Variants in STEAP2 observed in about 807,000 individuals in gnomAD.
STEAP2 encodes the protein STEAP2 metalloreductase.
A neutral mutation model predicts 46.4 loss-of-function variants in STEAP2; 30 were observed. That is an observed-to-expected ratio of 0.65 (90% CI 0.48 to 0.88). The LOEUF (loss-of-function observed/expected upper bound fraction) is 0.88. STEAP2 is among the 40% of genes least tolerant of loss of function. The pLI, the probability that STEAP2 is intolerant of heterozygous loss-of-function variation, is 0.00. For synonymous variants in STEAP2, 180 were observed against 200.5 expected, an observed-to-expected ratio of 0.90 and a Z score of 0.86; for missense variants, 513 against 579.3, an observed-to-expected ratio of 0.89 and a Z score of 1.18.
chr7:90,227,129 G>T lies in STEAP2; in HGVS notation c.651G>T (p.Val217=). ...RLFTLWRGPV[V]VAISLATFFF... ...TTACTCTCTGGAGAGGGCCAGTGGT[G>T]GTAGCTATAAGCTTGGCCACATTTT... Residue 217 remains valine (V), a synonymous_variant, in exon 4 of 6, where the codon GTG becomes GTT. Coordinates refer to ENST00000394621, the MANE Select transcript of STEAP2 (RefSeq NM_001244944.2). 1 of 1,613,766 alleles carries T rather than the reference G, an allele frequency of 6.2e-7. No homozygotes were observed. The highest frequency in any genetic ancestry group is 8.5e-7 in the Non-Finnish European group (1 of 1,179,834).
At chr7:90,213,061 C>CA (rs911122205) in intron 1 of STEAP2, among the ~76,000 whole-genome samples, 5 of 147,636 alleles carry the variant, frequency 3.4e-5, no homozygotes, top group African/African-American at 1.2e-4. Context: ...CAAAACAAAA[C>CA]AAAACAAAAC....
At position 90,227,471 on chromosome 7, in the gene STEAP2, T is replaced by C; in HGVS notation, c.993T>C (p.Tyr331=). The change falls in exon 4 of 6, where the codon TAT becomes TAC. Residue 331 remains tyrosine (Y), a synonymous_variant. Coordinates refer to ENST00000394621, the MANE Select transcript of STEAP2 (RefSeq NM_001244944.2). ...TACCGATGAGAAGGTCAGAGAGATA[T>C]TTGTTTCTCAACATGGCTTATCAGC... ...LCLPMRRSER[Y]LFLNMAYQQV... 1.9e-6 allele frequency: 3 copies of C among 1,590,228 alleles called. No individual in the cohort carries two copies. Among genetic ancestry groups the C allele is most frequent in the Non-Finnish European group, 2.6e-6 (3 of 1,162,710 alleles).
At position 90,235,951 on chromosome 7, in the gene STEAP2, T is replaced by G; in HGVS notation, c.*3327T>G. The stretch of plus-strand genomic sequence containing the variant: ...GTTAAACTACCTGATTAATTTCTTA[T>G]AAAGCAGCATAACCTTGGCTTGATT... On this transcript the variant is annotated 3_prime_UTR_variant, in exon 6 of 6. Coordinates refer to ENST00000394621, the MANE Select transcript of STEAP2 (RefSeq NM_001244944.2). 1 of 984,310 alleles carries G rather than the reference T, an allele frequency of 1.0e-6. No homozygotes were observed. The highest frequency in any genetic ancestry group is 1.2e-6 in the Non-Finnish European group (1 of 828,894). 61.0% of individuals were successfully genotyped at this position (984,310 alleles called of 1,614,324 possible).
chr7:90,235,293 T>G lies in STEAP2; in HGVS notation c.*2669T>G, dbSNP rs1288974224. ...TCAGTACTACAAAAACAGAATAATT[T>G]TGAAGTTTTAGAATAAATGTAATAT... On this transcript the variant is annotated 3_prime_UTR_variant, in exon 6 of 6. Coordinates refer to ENST00000394621, the MANE Select transcript of STEAP2 (RefSeq NM_001244944.2). 7 of 971,822 alleles carry G rather than the reference T, an allele frequency of 7.2e-6. No homozygotes were observed. The highest frequency in any genetic ancestry group is 6.2e-5 in the Admixed American group (1 of 16,230). 60.2% of individuals were successfully genotyped at this position (971,822 alleles called of 1,614,324 possible).
chr7:90,235,154 T>G lies in STEAP2; in HGVS notation c.*2530T>G. ...CATGTATATATTAAGTAGCCGATACTCTAAATAAAAATACCACTGTTACAG... is the reference window on the plus strand; with the variant it reads ...CATGTATATATTAAGTAGCCGATACGCTAAATAAAAATACCACTGTTACAG... On this transcript the variant is annotated 3_prime_UTR_variant, in exon 6 of 6. Coordinates refer to ENST00000394621, the MANE Select transcript of STEAP2 (RefSeq NM_001244944.2). 2.1e-6 allele frequency: 2 copies of G among 958,438 alleles called. No individual in the cohort carries two copies. Among genetic ancestry groups the G allele is most frequent in the Non-Finnish European group, 2.5e-6 (2 of 805,236 alleles). The allele number at this position is 958,438 out of a possible 1,614,324, so 59.4% of individuals were successfully genotyped here.
chr7:90,223,200 G>A (rs1350570250), intron 2 of STEAP2, among the ~76,000 whole-genome samples: 1 of 152,188 alleles, frequency 6.6e-6, no homozygotes, highest in African/African-American at 2.4e-5. Flanking sequence ...AGGGCTGTAG[G>A]CAGGTGAAAG....
intron 2 of STEAP2, among the ~76,000 whole-genome samples, chr7:90,220,564 CA>C (rs1363778905): frequency 9.0e-6 from 1 of 110,764 alleles, no homozygotes; most frequent in Non-Finnish European, 1.8e-5. Context: ...TTTATCTTTT[CA>C]AAAAACAAAA....
intron 4 of STEAP2, 51 bp downstream of exon 4, chr7:90,227,549 A>G: frequency 7.0e-7 from 1 of 1,434,048 alleles, no homozygotes; most frequent in Non-Finnish European, 9.2e-7. Flanking sequence ...ACTTTTTATT[A>G]GTATAAATTG....
At chr7:90,214,703 AGAG>A (rs963259917) in intron 1 of STEAP2, among the ~76,000 whole-genome samples, 1 of 152,126 alleles carries the variant, frequency 6.6e-6, no homozygotes, top group Non-Finnish European at 1.5e-5. Flanking sequence ...AGGCTGAAGG[AGAG>A]TGCAGGATAT....
Position 90,227,211 on chromosome 7 carries a change from A to C in STEAP2, c.733A>C (p.Ser245Arg), listed in dbSNP as rs942959123. The change falls in exon 4 of 6, where the codon AGT (serine) becomes CGT (arginine). Residue 245 changes from serine (S) to arginine (R), a missense_variant. By Grantham distance (110) the Ser-to-Arg change is moderately radical. Transcript: ENST00000394621. ...TCATCCATATGCTAGAAACCAACAG[A>C]GTGACTTTTACAAAATTCCTATAGA... ...VIHPYARNQQ[S>R]DFYKIPIEIV... 2 of 1,613,784 alleles carry C rather than the reference A, an allele frequency of 1.2e-6. No homozygotes were observed. The highest frequency in any genetic ancestry group is 1.7e-6 in the Non-Finnish European group (2 of 1,179,814).
chr7:90,220,648 T>A (rs1795218451), intron 2 of STEAP2, among the ~76,000 whole-genome samples: 1 of 152,192 alleles, frequency 6.6e-6, no homozygotes, highest in African/African-American at 2.4e-5. Context: ...ATCTTTATTA[T>A]TACTTTCCTT....
rs144320893 is a variant in STEAP2 at position 90,229,936 on chromosome 7, C to T, written c.1085C>T (p.Ser362Phe). 2.5e-6 allele frequency: 4 copies of T among 1,613,462 alleles called. No homozygotes were observed. Among genetic ancestry groups the T allele is most frequent in the African/African-American group, 1.3e-5 (1 of 74,894 alleles). The change falls in exon 5 of 6, where the codon TCC becomes TTC. Residue 362 changes from serine (S) to phenylalanine (F), a missense_variant. By Grantham distance (155) the Ser-to-Phe change is radical. Coordinates refer to ENST00000394621, the MANE Select transcript of STEAP2 (RefSeq NM_001244944.2). ...EEVWRIEMYISFGIMSLGLLS... is the reference protein window; with the variant it reads ...EEVWRIEMYIFFGIMSLGLLS... ...GTTTGGAGAATTGAAATGTATATCT[C>T]CTTTGGCATAATGAGCCTTGGCTTA... is the stretch of plus-strand genomic sequence containing the variant.
intron 2 of STEAP2, among the ~76,000 whole-genome samples, chr7:90,219,714 GAC>G (rs1041958833): frequency 1.3e-5 from 2 of 151,976 alleles, no homozygotes; most frequent in African/African-American, 4.8e-5. Context: ...TGCTTCTACA[GAC>G]ACACACGCGC....
At chr7:90,218,609 A>T (rs988846742) in intron 2 of STEAP2, among the ~76,000 whole-genome samples, 1 of 151,870 alleles carries the variant, frequency 6.6e-6, no homozygotes, top group Non-Finnish European at 1.5e-5. Context: ...GGATTATCTA[A>T]TCTGTTGCAT....
rs773761902 is a variant in STEAP2 at position 90,227,415 on chromosome 7, G to C, written c.937G>C (p.Ala313Pro). The C allele has an allele frequency of 1.9e-6, 3 of 1,612,488 alleles. No homozygotes were observed. Among genetic ancestry groups the C allele is most frequent in the Non-Finnish European group, 2.5e-6 (3 of 1,178,760 alleles). ...GCTTGGATTACTAAGTTTTTTCTTC[G>C]CTATGGTCCATGTTGCCTACAGCCT... ...KQLGLLSFFF[A>P]MVHVAYSLCL... The change falls in exon 4 of 6, where the codon GCT (alanine) becomes CCT (proline). Residue 313 changes from alanine to proline, a missense_variant. Coordinates refer to ENST00000394621, the MANE Select transcript of STEAP2 (RefSeq NM_001244944.2).
At chr7:90,239,703 A>AT (rs1176727514), downstream of STEAP2, among the ~76,000 whole-genome samples, 3 of 152,024 alleles carry the variant, frequency 2.0e-5, no homozygotes, top group East Asian at 3.9e-4. Context: ...TCTTCTTTTA[A>AT]TTTTTTTTAC....
At chr7:90,238,149 TACCACC>T, downstream of STEAP2, 1 of 693,884 alleles carries the variant, frequency 1.4e-6, no homozygotes, top group Non-Finnish European at 2.7e-6. Context: ...CTGCTGCCAC[TACCACC>T]ACCACCACAC....
rs1426227414 is a variant in STEAP2 at position 90,229,879 on chromosome 7, C to A, written c.1028C>A (p.Ala343Glu). The change falls in exon 5 of 6, where the codon GCA becomes GAA. Residue 343 changes from alanine (A) to glutamate (E), a missense_variant. Physicochemically the swap from Ala to Glu is moderately radical, Grantham distance 107. Transcript: ENST00000394621. ...FLNMAYQQVH[A>E]NIENSWNEEE... is the part of the protein sequence containing the mutation. ...CATTCGCTTTCTTGTTAGGTTCATG[C>A]AAATATTGAAAACTCTTGGAATGAG... The A allele has an allele frequency of 1.2e-6, 2 of 1,611,878 alleles. No homozygotes were observed. Among genetic ancestry groups the A allele is most frequent in the African/African-American group, 1.3e-5 (1 of 74,804 alleles).
intron 5 of STEAP2, among the ~76,000 whole-genome samples, chr7:90,231,325 A>G (rs905682738): frequency 4.0e-5 from 6 of 151,702 alleles, no homozygotes; most frequent in African/African-American, 1.5e-4. Flanking sequence ...GCCCATGAGG[A>G]TGCTCATTTA....
Sources: gnomAD v4.1 joint callset for allele counts (sites outside exome capture counted in the v4.1 genomes callset) on GRCh38, gnomAD v4.1.1 for gene constraint, MANE v1.5 for transcripts, NCBI Gene and HGNC (gene_info 2026-07-23, HGNC 2026-07-21) for gene names.